The following RAB44 variants were observed in gnomAD, a reference collection of about 807,000 sequenced individuals.
RAB44 encodes the protein RAB44, member RAS oncogene family, also known as ras-related protein Rab-44.
RAB44 carries 67 observed loss-of-function variants against 93.3 expected under a neutral mutation model. The ratio of observed to expected loss-of-function variants is 0.72; its 90% CI spans 0.59 to 0.88. The LOEUF is 0.88. Among genes scored for constraint, RAB44 ranks in the 40% least tolerant of loss-of-function variants. The pLI is 0.00. For synonymous variants in RAB44, 427 were observed against 520.3 expected (o/e 0.82, Z 2.44); for missense variants, 1,064 against 1,261.7 (o/e 0.84, Z 2.37).
At chr6:36,721,114 C>T in intron 8 of RAB44, 37 bp from the exon 9 acceptor site, 3 of 1,234,122 alleles carry the variant, frequency 2.4e-6, no homozygotes, top group Non-Finnish European at 3.0e-6. Flanking sequence ...CACCTACCTG[C>T]CCCTCCCCGA....
intron 9 of RAB44, among the ~76,000 whole-genome samples, chr6:36,725,359 C>T (rs1470495927): frequency 6.6e-6 from 1 of 152,220 alleles, no homozygotes; most frequent in Non-Finnish European, 1.5e-5. Flanking sequence ...TTTTAATCCT[C>T]CAGCCACTCT....
chr6:36,716,741 T>G (rs236490), intron 4 of RAB44, among the ~76,000 whole-genome samples: 117,145 of 152,064 alleles, frequency 0.77, 45,324 homozygotes, highest in Middle Eastern at 0.84. Context: ...TCATTTGGCA[T>G]CTTGGCCTAG....
intron 2 of RAB44, among the ~76,000 whole-genome samples, chr6:36,707,952 T>C (rs1762689492): frequency 6.6e-6 from 1 of 152,218 alleles, no homozygotes; most frequent in Non-Finnish European, 1.5e-5. Flanking sequence ...ACATACTGCC[T>C]GTAATACCAG....
chr6:36,730,785 C>A (rs1204969787), intron 13 of RAB44, 36 bp downstream of exon 13: 24 of 1,092,894 alleles, frequency 2.2e-5, no homozygotes, highest in Non-Finnish European at 2.8e-5. Flanking sequence ...CCCCACCCCC[C>A]CCCTTGCAGA....
chr6:36,706,730 A>ATTT (rs76091211), intron 2 of RAB44, among the ~76,000 whole-genome samples: 4 of 146,030 alleles, frequency 2.7e-5, no homozygotes, highest in African/African-American at 1.0e-4. Flanking sequence ...TGTAAAAGTA[A>ATTT]TTTTTTTTTT....
At chr6:36,704,154 G>C in intron 1 of RAB44, 70 bp from the exon 2 acceptor site, 1 of 1,324,954 alleles carries the variant, frequency 7.5e-7, no homozygotes, top group Non-Finnish European at 1.0e-6. Flanking sequence ...TGGGAGCCAG[G>C]GGAGGGTTTT....
intron 3 of RAB44, 123 bp downstream of exon 3, chr6:36,714,062 G>T (rs1279674433): frequency 1.5e-6 from 1 of 665,558 alleles, no homozygotes; most frequent in East Asian, 2.8e-5. Context: ...CCCCATCCCC[G>T]GCTGCCACAG....
rs1175804597 is a variant in RAB44 at position 36,721,306 on chromosome 6, C to T, written c.1172C>T (p.Pro391Leu). The T allele has an allele frequency of 6.5e-6, 8 of 1,231,292 alleles. No homozygotes were observed. Among genetic ancestry groups the T allele is most frequent in the Non-Finnish European group, 8.1e-6 (8 of 985,744 alleles). 76.3% of individuals were successfully genotyped at this position (1,231,292 alleles called of 1,614,324 possible). A position where few individuals can be genotyped will look rare whatever the true frequency, so the allele number is the denominator to read the frequency against. ...PHGALQLCWS[P>L]PPTPRATSGP... is the part of the protein sequence containing the mutation. ...GGAGCCCTGCAGCTCTGCTGGAGCC[C>T]GCCCCCGACCCCAAGAGCCACCTCA... The change falls in exon 9 of 14, where the codon CCG (proline) becomes CTG (leucine). Residue 391 changes from proline (P) to leucine (L), a missense_variant. Transcript: ENST00000612677.
Position 36,721,431 on chromosome 6 carries a change from A to T in RAB44, c.1297A>T (p.Arg433Trp). Residue 433 changes from arginine (R) to tryptophan (W), a missense_variant, in exon 9 of 14, where the codon AGG becomes TGG. Arg to Trp is a moderately radical substitution (Grantham distance 101, BLOSUM62 -3). Coordinates refer to ENST00000612677, the MANE Select transcript of RAB44 (RefSeq NM_001257357.2). ...EPSSDPDGAP[R>W]TPPGVTFSAK... The stretch of plus-strand genomic sequence containing the variant: ...ATCTTCAGATCCAGATGGGGCTCCA[A>T]GGACCCCACCTGGGGTGACTTTCAG... 8.1e-7 allele frequency: 1 copy of T among 1,234,412 alleles called. No individual in the cohort carries two copies. The highest frequency in any genetic ancestry group is 4.2e-5 in the Admixed American group (1 of 23,726). 76.5% of individuals were successfully genotyped at this position (1,234,412 alleles called of 1,614,324 possible). A position where few individuals can be genotyped will look rare whatever the true frequency, so the allele number is the denominator to read the frequency against.
Position 36,732,547 on chromosome 6 carries a change from C to T in RAB44, c.*454C>T, listed in dbSNP as rs1277475414. ...AGGAGAGAAACTTCCCAAGGAGCTC[C>T]CTTGGGTGCTGCTGGCTCCTAATTA... On this transcript the variant is annotated 3_prime_UTR_variant, in exon 14 of 14. Transcript: ENST00000612677. The T allele has an allele frequency of 6.6e-6, 1 of 152,146 alleles. No individual in the cohort carries two copies. Among genetic ancestry groups the T allele is most frequent in the African/African-American group, 2.4e-5 (1 of 41,372 alleles). The allele number at this position is 152,146 out of a possible 1,614,324, so 9.4% of individuals were successfully genotyped here. A position where few individuals can be genotyped will look rare whatever the true frequency, so the allele number is the denominator to read the frequency against.
At chr6:36,702,317 AGAGAGAGAGAGAGAGAGAGAG>A (rs1484007557) in intron 1 of RAB44, among the ~76,000 whole-genome samples, 4 of 112,240 alleles carry the variant, frequency 3.6e-5, no homozygotes, top group Non-Finnish European at 7.5e-5. Flanking sequence ...AGAGAGAGAG[AGAGAGAGAGAGAGAGAGAGAG>A]AATGTACTTC....
At chr6:36,723,864 AGGGAAT>A (rs1005769666) in intron 9 of RAB44, among the ~76,000 whole-genome samples, 15 of 147,870 alleles carry the variant, frequency 1.0e-4, no homozygotes, top group African/African-American at 3.2e-4. Flanking sequence ...AGCAAACCCG[AGGGAAT>A]GGAGGGGAGA....
chr6:36,708,767 G>A (rs2150327738), intron 2 of RAB44, among the ~76,000 whole-genome samples: 1 of 152,112 alleles, frequency 6.6e-6, no homozygotes, highest in East Asian at 1.9e-4. Context: ...TATCTGGGAG[G>A]CTTACACAGA....
At chr6:36,718,685 G>T in intron 7 of RAB44, 97 bp downstream of exon 7, 1 of 526,504 alleles carries the variant, frequency 1.9e-6, no homozygotes, top group Non-Finnish European at 2.9e-6. Flanking sequence ...CAGAACTCCT[G>T]CCTTAGAAGG....
chr6:36,722,210 G>A lies in RAB44; in HGVS notation c.2076G>A (p.Glu692=), dbSNP rs1449554547. ...EGRGGQDLSS[E]QSEQSVEAHG... is the part of the protein sequence containing the mutation. The stretch of plus-strand genomic sequence containing the variant: ...GAGGTGGGCAGGACCTCAGTTCAGA[G>A]CAGTCAGAGCAGTCGGTTGAGGCTC... Residue 692 remains glutamate, a synonymous_variant, in exon 9 of 14, where the codon GAG becomes GAA. Transcript: ENST00000612677. The A allele has an allele frequency of 8.0e-7, 1 of 1,247,870 alleles. No homozygotes were observed. The highest frequency in any genetic ancestry group is 1.0e-6 in the Non-Finnish European group (1 of 996,222). The allele number at this position is 1,247,870 out of a possible 1,614,324, so 77.3% of individuals were successfully genotyped here. A position where few individuals can be genotyped will look rare whatever the true frequency, so the allele number is the denominator to read the frequency against.
chr6:36,707,379 A>G (rs1762675436), intron 2 of RAB44, among the ~76,000 whole-genome samples: 1 of 152,084 alleles, frequency 6.6e-6, no homozygotes, highest in South Asian at 2.1e-4. Flanking sequence ...AAAAAGTATA[A>G]TCTACTAAAC....
chr6:36,705,089 C>A (rs1054482851), intron 2 of RAB44, among the ~76,000 whole-genome samples: 3 of 148,910 alleles, frequency 2.0e-5, no homozygotes, highest in Non-Finnish European at 4.4e-5. Flanking sequence ...CCACTACACT[C>A]CAGCCTGGGT....
intron 1 of RAB44, among the ~76,000 whole-genome samples, chr6:36,700,289 A>T (rs1033718808): frequency 8.5e-5 from 13 of 152,252 alleles, no homozygotes; most frequent in Admixed American, 2.0e-4. Flanking sequence ...GCCCATGGGC[A>T]GCAGAGCTGG....
chr6:36,721,234 A>AC lies in RAB44; in HGVS notation c.1101dup (p.Asp368ArgfsTer2), dbSNP rs1452714946. On this transcript the variant is annotated frameshift_variant, in exon 9 of 14. Coordinates refer to ENST00000612677, the MANE Select transcript of RAB44 (RefSeq NM_001257357.2). LOFTEE classifies it high-confidence loss of function. ...CCCCTGCCTGGGCTATTTGGGGACAACGATGACTGGGACCAGCTACTGAGC... is the reference window on the plus strand; with the variant it reads ...CCCCTGCCTGGGCTATTTGGGGACAACCGATGACTGGGACCAGCTACTGAGC... 8 of 1,226,884 alleles carry AC rather than the reference A, an allele frequency of 6.5e-6. No homozygotes were observed. The highest frequency in any genetic ancestry group is 8.1e-6 in the Non-Finnish European group (8 of 987,268). The allele number at this position is 1,226,884 out of a possible 1,614,324, so 76.0% of individuals were successfully genotyped here.
Sources: allele counts gnomAD v4.1 joint callset (sites outside exome capture counted in the v4.1 genomes callset), GRCh38; gene constraint gnomAD v4.1.1; transcripts MANE v1.5; gene names NCBI Gene and HGNC (gene_info 2026-07-23, HGNC 2026-07-21).